EFCAB3: variants seen among roughly 807,000 people sequenced by gnomAD.
EFCAB3 encodes EF-hand calcium-binding domain-containing protein 3.
EFCAB3 carries 36 observed loss-of-function variants against 42.2 expected under a neutral mutation model. That is an observed-to-expected ratio of 0.85 (90% CI 0.65 to 1.13). The LOEUF (loss-of-function observed/expected upper bound fraction) is 1.13. EFCAB3 is among the 50% of genes most tolerant of loss of function. The pLI is 0.00. For synonymous variants in EFCAB3, 170 were observed against 172.8 expected, an observed-to-expected ratio of 0.98 and a Z score of 0.13; for missense variants, 418 against 505.1, an observed-to-expected ratio of 0.83 and a Z score of 1.65.
chr17:62,381,682 C>T (rs895871552), intron 1 of EFCAB3: 4 of 213,124 alleles, frequency 1.9e-5, no homozygotes, highest in African/African-American at 7.0e-5. Context: ...CGCTCGGTCA[C>T]CTCCCTCCTG....
At chr17:62,405,209 T>C (rs2070437791) in intron 6 of EFCAB3, among the ~76,000 whole-genome samples, 1 of 152,248 alleles carries the variant, frequency 6.6e-6, no homozygotes, top group Non-Finnish European at 1.5e-5. Flanking sequence ...TTATGCCATT[T>C]TCACAGGCAA....
intron 9 of EFCAB3, among the ~76,000 whole-genome samples, chr17:62,414,164 G>A (rs1598024113): frequency 6.6e-6 from 1 of 152,342 alleles, no homozygotes; most frequent in East Asian, 1.9e-4. Flanking sequence ...AACAGTCACA[G>A]TGAGTAGTGT....
At chr17:62,379,417 C>CA (rs34114907), upstream of EFCAB3, among the ~76,000 whole-genome samples, 2,246 of 99,456 alleles carry the variant, frequency 0.023, 63 homozygotes, top group African/African-American at 0.07. Context: ...GAGACCTCAC[C>CA]AAAAAAAAAA....
rs189300154 is a variant in EFCAB3, at chr17:62,397,224, A to C, written c.488+2036A>C. ...TCATCTTGCTAGTGCCTGATACCTA[A>C]GGAGATTAAAAATGTTTAAGACATA... On this transcript the variant is annotated intron_variant, in intron 6 of 9. Transcript: ENST00000305286. 5.4e-4 allele frequency among the ~76,000 whole-genome samples: 82 copies of C among 152,322 alleles called. 1 individual carries two copies. The highest frequency in any genetic ancestry group is 1.8e-3 in the African/African-American group (75 of 41,578).
chr17:62,370,703 T>A (rs967001051), intron 1 of EFCAB3, among the ~76,000 whole-genome samples: 1 of 151,848 alleles, frequency 6.6e-6, no homozygotes, highest in Non-Finnish European at 1.5e-5. Flanking sequence ...GTACATAACA[T>A]CCTCAGAAAT....
chr17:62,393,496 A>T, intron 4 of EFCAB3, 77 bp from the exon 5 acceptor site: 1 of 1,167,250 alleles, frequency 8.6e-7, no homozygotes, highest in Non-Finnish European at 1.2e-6. Context: ...AGAGTGTTTT[A>T]ATTTTTATAT....
At chr17:62,402,272 A>G (rs55966012) in intron 6 of EFCAB3, among the ~76,000 whole-genome samples, 1 of 152,180 alleles carries the variant, frequency 6.6e-6, no homozygotes, top group Non-Finnish European at 1.5e-5. Context: ...CTAATTGAAT[A>G]CCCTTTATTT....
intron 8 of EFCAB3, among the ~76,000 whole-genome samples, chr17:62,412,469 T>C (rs1164475899): frequency 1.3e-5 from 2 of 152,032 alleles, no homozygotes; most frequent in Admixed American, 1.3e-4. Context: ...AAGGGTTTTT[T>C]GTTGTTGTTG....
intron 1 of EFCAB3, among the ~76,000 whole-genome samples, chr17:62,382,605 A>T (rs1311237997): frequency 6.6e-6 from 1 of 151,876 alleles, no homozygotes; most frequent in Non-Finnish European, 1.5e-5. Context: ...CCACCATTCT[A>T]CTCTCTGCTT....
chr17:62,385,812 T>C (rs2070244263), intron 2 of EFCAB3, among the ~76,000 whole-genome samples: 1 of 147,272 alleles, frequency 6.8e-6, no homozygotes, highest in African/African-American at 2.5e-5. Context: ...CTCCACCTCC[T>C]GGGTTCATGT....
intron 3 of EFCAB3, 52 bp downstream of exon 3, chr17:62,387,468 G>A (rs2144070266): frequency 7.0e-7 from 1 of 1,437,908 alleles, no homozygotes; most frequent in Non-Finnish European, 9.7e-7. Context: ...TAATATGTCT[G>A]ATCCTTTCTT....
intron 6 of EFCAB3, 136 bp downstream of exon 6, chr17:62,395,324 A>G (rs1217382956): frequency 1.8e-6 from 2 of 1,128,154 alleles, no homozygotes; most frequent in African/African-American, 1.6e-5. Context: ...ATCTGGGCAA[A>G]TGCCCTTGTG....
At chr17:62,391,489 T>C (rs2070301868) in intron 3 of EFCAB3, among the ~76,000 whole-genome samples, 1 of 152,088 alleles carries the variant, frequency 6.6e-6, no homozygotes, top group African/African-American at 2.4e-5. Flanking sequence ...CGTAATTAGA[T>C]TGAGCCCAGA....
chr17:62,376,973 G>T (rs2070155608), upstream of EFCAB3, among the ~76,000 whole-genome samples: 1 of 152,166 alleles, frequency 6.6e-6, no homozygotes, highest in Non-Finnish European at 1.5e-5. Context: ...GTTGCCACGT[G>T]CAGTGTCTAA....
At chr17:62,412,392 A>C (rs1472247852) in intron 8 of EFCAB3, among the ~76,000 whole-genome samples, 2 of 149,474 alleles carry the variant, frequency 1.3e-5, no homozygotes, top group African/African-American at 4.9e-5. Context: ...AGAATGTTTG[A>C]CATTATAAGG....
intron 6 of EFCAB3, among the ~76,000 whole-genome samples, chr17:62,400,477 T>C (rs921918398): frequency 6.6e-6 from 1 of 152,092 alleles, no homozygotes; most frequent in African/African-American, 2.4e-5. Context: ...GAACATGCGG[T>C]GTTTGGTTTT....
intron 9 of EFCAB3, among the ~76,000 whole-genome samples, chr17:62,414,118 A>G (rs1324241048): frequency 6.6e-6 from 1 of 152,238 alleles, no homozygotes; most frequent in Admixed American, 6.5e-5. Context: ...CATTTGTGTT[A>G]TTCCAGAAAT....
intron 6 of EFCAB3, among the ~76,000 whole-genome samples, chr17:62,406,058 T>A (rs1322075048): frequency 1.3e-5 from 2 of 152,178 alleles, no homozygotes; most frequent in East Asian, 1.9e-4. Context: ...AATTCATAAG[T>A]ATTTTTCTAA....
At chr17:62,390,685 T>C (rs1307836963) in intron 3 of EFCAB3, among the ~76,000 whole-genome samples, 2 of 152,162 alleles carry the variant, frequency 1.3e-5, no homozygotes, top group African/African-American at 4.8e-5. Flanking sequence ...CAGAAACAAG[T>C]CAGAGATAGT....
Sources: allele counts gnomAD v4.1 joint callset (sites outside exome capture counted in the v4.1 genomes callset), GRCh38; gene constraint gnomAD v4.1.1; transcripts MANE v1.5; gene names NCBI Gene and HGNC (gene_info 2026-07-23, HGNC 2026-07-21).